HIVEP3: variants seen among roughly 807,000 people sequenced by gnomAD.
The protein encoded by HIVEP3 is transcription factor HIVEP3.
Under a neutral mutation model 152.8 loss-of-function variants are expected in HIVEP3, and 49 were observed. That is an observed-to-expected ratio of 0.32 (90% CI 0.26 to 0.41). The LOEUF (loss-of-function observed/expected upper bound fraction) is 0.41. Among genes scored for constraint, HIVEP3 ranks in the 10% least tolerant of loss-of-function variants. HIVEP3 has a pLI of 1.00. For missense variants in HIVEP3, 2,790 were observed against 3,103.3 expected, an observed-to-expected ratio of 0.90 and a Z score of 2.40; for synonymous variants, 1,269 against 1,289.0, an observed-to-expected ratio of 0.98 and a Z score of 0.33.
chr1:42,032,952 G>C (rs1645621226), intron 1 of HIVEP3, among the ~76,000 whole-genome samples: 1 of 152,122 alleles, frequency 6.6e-6, no homozygotes, highest in Admixed American at 6.5e-5. Context: ...CCTAGCACCA[G>C]ATACAATCCT....
At chr1:41,920,891 A>G (rs1183060401), upstream of HIVEP3, among the ~76,000 whole-genome samples, 1 of 152,218 alleles carries the variant, frequency 6.6e-6, no homozygotes, top group African/African-American at 2.4e-5. Context: ...CAGCAGGCTT[A>G]GTGTGACTCA....
rs150247167 is a variant in HIVEP3, at chr1:41,767,975, T to C, written c.-800-66980A>G. The stretch of plus-strand genomic sequence containing the variant: ...ATCCTTCATGCTCATGAAGCCATGA[T>C]GGATTGTAGATGTAGATGGCAGACA... On this transcript the variant is annotated intron_variant, in intron 1 of 8. Transcript: ENST00000372583. Among the ~76,000 whole-genome samples the C allele has an allele frequency of 2.4e-4, 37 of 152,330 alleles. No individual in the cohort carries two copies. The East Asian group carries it at 3.3e-3, about 13-fold the overall frequency.
At chr1:41,661,745 G>T (rs1402798657) in intron 2 of HIVEP3, among the ~76,000 whole-genome samples, 1 of 152,246 alleles carries the variant, frequency 6.6e-6, no homozygotes, top group Non-Finnish European at 1.5e-5. Flanking sequence ...ATGCGTGGGT[G>T]CGAGGGGTGA....
chr1:41,591,896 A>C (rs1483612361), intron 3 of HIVEP3, among the ~76,000 whole-genome samples: 5 of 151,968 alleles, frequency 3.3e-5, no homozygotes, highest in Non-Finnish European at 7.4e-5. Flanking sequence ...ACCCAACGAG[A>C]GCGGGCTGGG....
At position 41,857,757 on chromosome 1, in the gene HIVEP3, G is replaced by A. The variant is rs112874359; in HGVS notation, c.-801+60656C>T. On this transcript the variant is annotated intron_variant, in intron 1 of 8. Coordinates refer to ENST00000372583, the MANE Select transcript of HIVEP3 (RefSeq NM_024503.5). ...AAAGTCATGCAGAAGGAAAGAGGTA[G>A]GGGTGAGACTCAAGCCCAAGTTTTT... 6.2e-3 allele frequency among the ~76,000 whole-genome samples: 943 copies of A among 152,302 alleles called. 6 individuals carry two copies. The highest frequency in any genetic ancestry group is 0.021 in the African/African-American group (858 of 41,548).
intron 5 of HIVEP3, among the ~76,000 whole-genome samples, chr1:41,528,086 A>T (rs1643064962): frequency 1.0e-5 from 1 of 99,770 alleles, no homozygotes; most frequent in Non-Finnish European, 2.0e-5. Flanking sequence ...CCTTGCCCTC[A>T]CACCTTCACA....
At chr1:41,586,712 C>T (rs1286172009) in intron 3 of HIVEP3, among the ~76,000 whole-genome samples, 1 of 152,180 alleles carries the variant, frequency 6.6e-6, no homozygotes, top group Non-Finnish European at 1.5e-5. Context: ...TCTTAAAGGG[C>T]AGGGCCCTCG....
intron 1 of HIVEP3, among the ~76,000 whole-genome samples, chr1:41,840,768 C>T (rs1643264233): frequency 6.6e-6 from 1 of 152,178 alleles, no homozygotes; most frequent in Admixed American, 6.5e-5. Flanking sequence ...GACGACATAA[C>T]CAGAGGAAGC....
intron 5 of HIVEP3, among the ~76,000 whole-genome samples, chr1:41,527,892 C>CT: frequency 6.8e-6 from 1 of 147,930 alleles, no homozygotes; most frequent in Non-Finnish European, 1.5e-5. Flanking sequence ...CACTCACACC[C>CT]CACCCTCATG....
chr1:41,628,702 A>G (rs1645151466), intron 3 of HIVEP3, 47 bp downstream of exon 3: 3 of 1,202,758 alleles, frequency 2.5e-6, no homozygotes, highest in Non-Finnish European at 3.1e-6. Context: ...AAGACAGACC[A>G]ACATGGCGCC....
At chr1:41,979,368 G>C (rs371178466) in intron 1 of HIVEP3, among the ~76,000 whole-genome samples, 3 of 152,268 alleles carry the variant, frequency 2.0e-5, no homozygotes, top group East Asian at 1.9e-4. Context: ...AAGACCATCA[G>C]TACTCACAAG....
At chr1:41,981,217 C>T (rs1645291843) in intron 1 of HIVEP3, among the ~76,000 whole-genome samples, 1 of 152,158 alleles carries the variant, frequency 6.6e-6, no homozygotes, top group African/African-American at 2.4e-5. Context: ...AGGGAGCAAG[C>T]TCTTACAGGG....
chr1:41,973,859 G>A (rs933797872), intron 1 of HIVEP3, among the ~76,000 whole-genome samples: 18 of 152,232 alleles, frequency 1.2e-4, no homozygotes, highest in African/African-American at 4.3e-4. Flanking sequence ...GGCGTCACCA[G>A]CATCAATGCT....
At chr1:41,659,055 G>C (rs1475627157) in intron 2 of HIVEP3, among the ~76,000 whole-genome samples, 1 of 152,168 alleles carries the variant, frequency 6.6e-6, no homozygotes, top group African/African-American at 2.4e-5. Context: ...AGATAAGTAG[G>C]TCTCAGATCA....
chr1:41,710,645 C>T (rs953264981), intron 1 of HIVEP3, among the ~76,000 whole-genome samples: 1 of 152,204 alleles, frequency 6.6e-6, no homozygotes, highest in African/African-American at 2.4e-5. Context: ...CCCGCCCAGG[C>T]TTCCCTGCCC....
intron 2 of HIVEP3, among the ~76,000 whole-genome samples, chr1:41,683,374 A>G (rs1228735769): frequency 6.6e-6 from 1 of 152,224 alleles, no homozygotes; most frequent in African/African-American, 2.4e-5. Flanking sequence ...GCAACCCCCT[A>G]GGCCCTGTAA....
At chr1:41,528,724 ACT>A (rs1643115073) in intron 5 of HIVEP3, among the ~76,000 whole-genome samples, 1 of 80,704 alleles carries the variant, frequency 1.2e-5, no homozygotes. Flanking sequence ...CCACCCTCAC[ACT>A]CATCCTCACA....
intron 1 of HIVEP3, among the ~76,000 whole-genome samples, chr1:41,749,766 T>C (rs1037751684): frequency 6.7e-6 from 1 of 149,634 alleles, no homozygotes; most frequent in Non-Finnish European, 1.5e-5. Flanking sequence ...AACAAATAAG[T>C]TGGACTTGTG....
At chr1:41,673,483 GGGCTGGCTGCTCGGCTTAGCTTACA>G (rs1645907444) in intron 2 of HIVEP3, among the ~76,000 whole-genome samples, 2 of 152,196 alleles carry the variant, frequency 1.3e-5, no homozygotes, top group African/African-American at 2.4e-5. Flanking sequence ...AGGCTGAGGA[GGGCTGGCTGCTCGGCTTAGCTTACA>G]GGCAGTGCAC....
Sources: allele counts gnomAD v4.1 joint callset (sites outside exome capture counted in the v4.1 genomes callset), GRCh38; gene constraint gnomAD v4.1.1; transcripts MANE v1.5; gene names NCBI Gene and HGNC (gene_info 2026-07-23, HGNC 2026-07-21).